Variants in TRAF1 observed in about 807,000 individuals in gnomAD.
TRAF1 encodes the protein TNF receptor-associated factor 1.
In TRAF1, 23 loss-of-function variants were observed where a neutral mutation model predicts 40.9. The ratio of observed to expected loss-of-function variants is 0.56; its 90% CI spans 0.40 to 0.80. The LOEUF (loss-of-function observed/expected upper bound fraction) is 0.80, where lower values mean the gene tolerates loss of function less well. TRAF1 is among the 30% of genes least tolerant of loss of function. The pLI is 0.00. For missense variants in TRAF1, 477 were observed against 528.7 expected, an observed-to-expected ratio of 0.90 and a Z score of 0.96; for synonymous variants, 206 against 218.8, an observed-to-expected ratio of 0.94 and a Z score of 0.52.
chr9:120,907,357 T>C (rs1268222582), intron 7 of TRAF1, among the ~76,000 whole-genome samples: 2 of 152,248 alleles, frequency 1.3e-5, no homozygotes, highest in Non-Finnish European at 2.9e-5. Context: ...TATTTATCCA[T>C]CCACCTACTG....
At chr9:120,917,923 G>A (rs1234355422) in intron 3 of TRAF1, among the ~76,000 whole-genome samples, 1 of 152,158 alleles carries the variant, frequency 6.6e-6, no homozygotes, top group Non-Finnish European at 1.5e-5. Context: ...CAGTATCTCA[G>A]AATATGGAGA....
chr9:120,912,962 C>T (rs1315256643), intron 5 of TRAF1, among the ~76,000 whole-genome samples: 1 of 152,182 alleles, frequency 6.6e-6, no homozygotes, highest in Non-Finnish European at 1.5e-5. Flanking sequence ...GTGGATTTGT[C>T]TTGTGGGCTC....
intron 5 of TRAF1, among the ~76,000 whole-genome samples, chr9:120,912,350 C>T (rs1001127022): frequency 2.0e-5 from 3 of 152,154 alleles, no homozygotes; most frequent in Non-Finnish European, 4.4e-5. Context: ...TTAGAATGGT[C>T]ATTGGCTACA....
chr9:120,923,672 G>A (rs375155054), intron 3 of TRAF1, 33 bp downstream of exon 3: 110 of 1,610,078 alleles, frequency 6.8e-5, no homozygotes, highest in Middle Eastern at 1.6e-4. Context: ...TCAAGACAAC[G>A]GACAAATGCC....
chr9:120,923,433 A>G (rs1276921293), intron 3 of TRAF1, among the ~76,000 whole-genome samples: 1 of 152,226 alleles, frequency 6.6e-6, no homozygotes, highest in East Asian at 1.9e-4. Flanking sequence ...CTCGTTGCTT[A>G]GGTGGTGGGC....
Position 120,914,265 on chromosome 9 carries a change from G to A in TRAF1, c.264C>T (p.Cys88=). 1 of 1,535,156 alleles carries A rather than the reference G, an allele frequency of 6.5e-7. No individual in the cohort carries two copies. Among genetic ancestry groups the A allele is most frequent in the Non-Finnish European group, 8.9e-7 (1 of 1,129,762 alleles). Residue 88 remains cysteine (C), a synonymous_variant, in exon 4 of 8, where the codon TGC becomes TGT. Coordinates refer to ENST00000373887, the MANE Select transcript of TRAF1 (RefSeq NM_005658.5). ...AGGAGCAGCCGACACCTGCAAAGGG[G>A]CACCCAATTCCAGCCTCAGCCACCT... The part of the protein sequence containing the change: ...HPEVAEAGIG[C]PFAGVGCSFK...
At chr9:120,910,338 G>A (rs924660401) in intron 6 of TRAF1, among the ~76,000 whole-genome samples, 1 of 152,160 alleles carries the variant, frequency 6.6e-6, no homozygotes, top group Admixed American at 6.5e-5. Context: ...TGGGATGAGC[G>A]CTACTCCTGC....
chr9:120,911,238 C>A, intron 6 of TRAF1, 98 bp downstream of exon 6: 1 of 1,382,316 alleles, frequency 7.2e-7, no homozygotes, highest in Non-Finnish European at 9.9e-7. Flanking sequence ...CTGGACACAG[C>A]GTGTCTGTCA....
At chr9:120,921,252 A>T (rs1236408914) in intron 3 of TRAF1, among the ~76,000 whole-genome samples, 1 of 152,148 alleles carries the variant, frequency 6.6e-6, no homozygotes, top group Non-Finnish European at 1.5e-5. Flanking sequence ...AGCAAGTTTC[A>T]AACTGTGCTC....
chr9:120,924,626 G>T (rs1480726099), intron 2 of TRAF1, among the ~76,000 whole-genome samples: 2 of 152,154 alleles, frequency 1.3e-5, no homozygotes, highest in Non-Finnish European at 2.9e-5. Flanking sequence ...TGTTGGCCAG[G>T]CTGGTCTCAA....
In TRAF1 at chr9:120,909,227, T is replaced by C. The variant is rs1320035877; in HGVS notation, c.1032+3A>G. The stretch of plus-strand genomic sequence containing the variant: ...CTTACCCCCATCACCTTCACACCCA[T>C]ACCTTGTTCCGGAAGGGCCACGGCA... On this transcript the variant is annotated splice_donor_region_variant and intron_variant, in intron 7 of 7. Transcript: ENST00000373887. 15 of 1,613,464 alleles carry C rather than the reference T, an allele frequency of 9.3e-6. No individual in the cohort carries two copies. Among genetic ancestry groups the C allele is most frequent in the African/African-American group, 1.3e-5 (1 of 74,888 alleles).
intron 2 of TRAF1, among the ~76,000 whole-genome samples, chr9:120,924,558 G>T (rs2046626273): frequency 6.6e-6 from 1 of 152,124 alleles, no homozygotes; most frequent in South Asian, 2.1e-4. Flanking sequence ...GGGATTACAG[G>T]TGCACACCAC....
intron 3 of TRAF1, among the ~76,000 whole-genome samples, chr9:120,923,115 A>T (rs964013178): frequency 2.6e-5 from 4 of 152,220 alleles, no homozygotes; most frequent in African/African-American, 9.6e-5. Context: ...TTAGAATTAC[A>T]GGCATGTAAT....
intron 3 of TRAF1, 34 bp downstream of exon 3, chr9:120,923,671 C>T (rs753182341): frequency 1.5e-5 from 24 of 1,609,542 alleles, no homozygotes; most frequent in Admixed American, 3.3e-5. Context: ...ATCAAGACAA[C>T]GGACAAATGC....
chr9:120,914,435 G>T, intron 3 of TRAF1, 135 bp from the exon 4 acceptor site: 2 of 1,238,160 alleles, frequency 1.6e-6, no homozygotes, highest in Non-Finnish European at 2.0e-6. Context: ...TGTTCCCTTT[G>T]GCTATCTCCT....
At position 120,904,146 on chromosome 9, in the gene TRAF1, G is replaced by C. The variant is rs1389956263; in HGVS notation, c.*874C>G. On this transcript the variant is annotated 3_prime_UTR_variant, in exon 8 of 8. Coordinates refer to ENST00000373887, the MANE Select transcript of TRAF1 (RefSeq NM_005658.5). ...AGTTTATGCCCCTCTTCTTCTTGAG[G>C]TGCCTCTGGCTGCACCTGGGAGCTC... 6.6e-6 allele frequency: 1 copy of C among 152,182 alleles called. No individual in the cohort carries two copies. Among genetic ancestry groups the C allele is most frequent in the Non-Finnish European group, 1.5e-5 (1 of 68,082 alleles). The allele number at this position is 152,182 out of a possible 1,614,324, so 9.4% of individuals were successfully genotyped here. A position where few individuals can be genotyped will look rare whatever the true frequency, so the allele number is the denominator to read the frequency against.
Position 120,911,473 on chromosome 9 carries a change from G to A in TRAF1, c.746C>T (p.Ala249Val). 1 of 1,613,248 alleles carries A rather than the reference G, an allele frequency of 6.2e-7. No individual in the cohort carries two copies. Among genetic ancestry groups the A allele is most frequent in the Non-Finnish European group, 8.5e-7 (1 of 1,179,932 alleles). Residue 249 changes from alanine to valine, a missense_variant, in exon 6 of 8, where the codon GCC becomes GTC. Ala to Val is a moderately conservative substitution (Grantham distance 64). Coordinates refer to ENST00000373887, the MANE Select transcript of TRAF1 (RefSeq NM_005658.5). Reference protein sequence around the residue: ...LQQTLAQKDQALGKLEQSLRL... With the variant: ...LQQTLAQKDQVLGKLEQSLRL... Reference sequence around the variant, plus strand: ...CAAGCTCTGCTCCAGCTTGCCCAGGGCCTGGTCTTTCTGGGCCAGGGTCTG... The same window carrying A: ...CAAGCTCTGCTCCAGCTTGCCCAGGACCTGGTCTTTCTGGGCCAGGGTCTG...
intron 3 of TRAF1, among the ~76,000 whole-genome samples, chr9:120,921,528 G>A (rs1205770634): frequency 6.6e-6 from 1 of 152,064 alleles, no homozygotes; most frequent in Admixed American, 6.6e-5. Context: ...ATTCAAGCAG[G>A]TAAGGGCCTT....
rs773667041 is a variant in TRAF1 at position 120,913,558 on chromosome 9, C to G, written c.475G>C (p.Asp159His). Residue 159 changes from aspartate (D) to histidine (H), a missense_variant, in exon 5 of 8, where the codon GAC (aspartate) becomes CAC (histidine). Asp to His is a moderately conservative substitution (Grantham distance 81). Transcript: ENST00000373887. ...QLQAAVEVAG[D>H]LEVDCYRAPC... The stretch of plus-strand genomic sequence containing the variant: ...GCCCGGTAGCAATCGACCTCCAGGT[C>G]CCCCGCCACTTCCACGGCTGCCTGC... The G allele has an allele frequency of 1.2e-6, 2 of 1,613,812 alleles. No homozygotes were observed. The highest frequency in any genetic ancestry group is 1.3e-5 in the African/African-American group (1 of 74,946).
Sources: gnomAD v4.1 joint callset for allele counts (sites outside exome capture counted in the v4.1 genomes callset) on GRCh38, gnomAD v4.1.1 for gene constraint, MANE v1.5 for transcripts, NCBI Gene and HGNC (gene_info 2026-07-23, HGNC 2026-07-21) for gene names.